Variants in DNAAF5 observed in about 807,000 individuals in gnomAD.
DNAAF5 encodes the protein HEAT repeat containing 2.
In DNAAF5, 64 loss-of-function variants were observed where a neutral mutation model predicts 75.8. The ratio of observed to expected loss-of-function variants is 0.84; its 90% CI spans 0.69 to 1.04. The LOEUF (loss-of-function observed/expected upper bound fraction) is 1.04. DNAAF5 is among the 50% of genes least tolerant of loss of function. The pLI, the probability that DNAAF5 is intolerant of heterozygous loss-of-function variation, is 0.00. For synonymous variants in DNAAF5, 657 were observed against 557.2 expected (o/e 1.18, Z -2.52); for missense variants, 1,269 against 1,178.5 (o/e 1.08, Z -1.12).
At chr7:776,703 C>T (rs976604271) in intron 11 of DNAAF5, among the ~76,000 whole-genome samples, 10 of 152,196 alleles carry the variant, frequency 6.6e-5, no homozygotes, top group African/African-American at 2.2e-4. Context: ...CGAAAAGCAG[C>T]AGCACTGAAC....
chr7:746,934 C>G (rs1782133621), intron 4 of DNAAF5, among the ~76,000 whole-genome samples: 1 of 152,248 alleles, frequency 6.6e-6, no homozygotes, highest in African/African-American at 2.4e-5. Context: ...GCTCTTTCCT[C>G]TCTGTGTCGG....
At chr7:737,308 C>T (rs1781769035) in intron 2 of DNAAF5, among the ~76,000 whole-genome samples, 2 of 152,138 alleles carry the variant, frequency 1.3e-5, no homozygotes, top group Non-Finnish European at 2.9e-5. Context: ...GTTGGCCAGG[C>T]TTGTCTTGAA....
intron 2 of DNAAF5, among the ~76,000 whole-genome samples, chr7:736,421 T>A (rs1268798307): frequency 6.6e-6 from 1 of 152,270 alleles, no homozygotes; most frequent in Non-Finnish European, 1.5e-5. Flanking sequence ...AAAGTTGTTA[T>A]ATCCTCTTGC....
chr7:759,446 T>A (rs1782579438), intron 6 of DNAAF5, among the ~76,000 whole-genome samples: 1 of 152,178 alleles, frequency 6.6e-6, no homozygotes, highest in Admixed American at 6.5e-5. Context: ...CCGATTTGCT[T>A]CTCACACAGG....
At chr7:746,100 G>C (rs962291890) in intron 4 of DNAAF5, among the ~76,000 whole-genome samples, 2 of 152,142 alleles carry the variant, frequency 1.3e-5, no homozygotes, top group Non-Finnish European at 2.9e-5. Context: ...TTTTAAATAC[G>C]ATTTCTCAGA....
At chr7:735,243 G>A (rs941181897) in intron 2 of DNAAF5, among the ~76,000 whole-genome samples, 7 of 146,740 alleles carry the variant, frequency 4.8e-5, no homozygotes, top group Non-Finnish European at 7.5e-5. Flanking sequence ...TGCTCATACC[G>A]TTGCTCGTGG....
intron 4 of DNAAF5, among the ~76,000 whole-genome samples, chr7:744,237 A>G (rs1249651756): frequency 6.6e-6 from 1 of 152,062 alleles, no homozygotes; most frequent in African/African-American, 2.4e-5. Context: ...ATGATTTTGA[A>G]TTTCATCCAT....
chr7:752,221 T>C (rs1375989019), intron 4 of DNAAF5, among the ~76,000 whole-genome samples: 1 of 152,264 alleles, frequency 6.6e-6, no homozygotes, highest in African/African-American at 2.4e-5. Flanking sequence ...GAAAGTGAAC[T>C]TGGAGTCAAA....
In DNAAF5 at chr7:754,772, G is replaced by GGA; in HGVS notation, c.1209_1210dup (p.Thr404ArgfsTer35). The GGA allele has an allele frequency of 6.2e-7, 1 of 1,612,996 alleles. No individual in the cohort carries two copies. The highest frequency in any genetic ancestry group is 8.5e-7 in the Non-Finnish European group (1 of 1,179,774). On this transcript the variant is annotated frameshift_variant, in exon 5 of 13. Transcript: ENST00000297440. LOFTEE classifies it high-confidence loss of function. The surrounding 1 kb of genome is among the most constrained non-coding windows in gnomAD (Gnocchi z 4.8). Reference sequence around the variant, plus strand: ...ACGCAGCACCTGGAGGTCGTCCTCCGGACCCTGTTCCAGGCCTGCACCGAC... The same window carrying GGA: ...ACGCAGCACCTGGAGGTCGTCCTCCGGAGACCCTGTTCCAGGCCTGCACCGAC...
At chr7:769,033 A>C in intron 8 of DNAAF5, 1 of 632,532 alleles carries the variant, frequency 1.6e-6, no homozygotes. Context: ...CCTCCAAGAC[A>C]CCAGCTGGTC....
Position 774,137 on chromosome 7 carries a change from G to T in DNAAF5, c.2021G>T (p.Arg674Leu), listed in dbSNP as rs1334255725. The stretch of plus-strand genomic sequence containing the variant: ...GCGGGGAGGACAGCCGCGGCCATCC[G>T]CACGGCTGCCGTGTCCTGCCTCTGG... Reference protein sequence around the residue: ...WHAGRTAAAIRTAAVSCLWAL... With the variant: ...WHAGRTAAAILTAAVSCLWAL... The change falls in exon 10 of 13, where the codon CGC (arginine) becomes CTC (leucine). Residue 674 changes from arginine to leucine, a missense_variant. By Grantham distance (102) the Arg-to-Leu change is moderately radical. Transcript: ENST00000297440. 7 of 1,612,150 alleles carry T rather than the reference G, an allele frequency of 4.3e-6. No individual in the cohort carries two copies. The South Asian group carries it at 6.6e-5, about 15-fold the overall frequency.
At position 785,810 on chromosome 7, in the gene DNAAF5, C is replaced by A; in HGVS notation, c.*157C>A. On this transcript the variant is annotated 3_prime_UTR_variant, in exon 13 of 13. Coordinates refer to ENST00000297440, the MANE Select transcript of DNAAF5 (RefSeq NM_017802.4). ...CCTGCCCACTCTTTCCCTGGAATAA[C>A]AGCCTCTGAGTGGATTCTGCATGTT... 2.6e-6 allele frequency: 2 copies of A among 768,696 alleles called. No homozygotes were observed. Among genetic ancestry groups the A allele is most frequent in the Non-Finnish European group, 4.0e-6 (2 of 494,516 alleles). The allele number at this position is 768,696 out of a possible 1,614,324, so 47.6% of individuals were successfully genotyped here.
chr7:781,035 C>T (rs1562403167), intron 12 of DNAAF5, among the ~76,000 whole-genome samples: 2 of 152,116 alleles, frequency 1.3e-5, no homozygotes, highest in South Asian at 2.1e-4. Context: ...CTTTGTGTTA[C>T]AAATAATTCA....
At chr7:733,495 T>C (rs563758801) in intron 2 of DNAAF5, among the ~76,000 whole-genome samples, 1 of 152,222 alleles carries the variant, frequency 6.6e-6, no homozygotes, top group African/African-American at 2.4e-5. Context: ...GTCAGTGGTT[T>C]ATAGTTTTCT....
chr7:765,975 C>T (rs1022522037), intron 8 of DNAAF5, among the ~76,000 whole-genome samples: 9 of 152,162 alleles, frequency 5.9e-5, no homozygotes, highest in African/African-American at 2.2e-4. Flanking sequence ...ACCACAGGCA[C>T]CCACTACCAC....
At chr7:730,815 C>T (rs879464656) in intron 2 of DNAAF5, among the ~76,000 whole-genome samples, 5 of 152,152 alleles carry the variant, frequency 3.3e-5, no homozygotes, top group Admixed American at 2.6e-4. Flanking sequence ...TGTTCACCCC[C>T]CTTGGTCTCA....
At position 770,858 on chromosome 7, in the gene DNAAF5, A is replaced by G. The variant is rs1778538948; in HGVS notation, c.1931+240A>G. ...GGGGGTCCCCACCTCCCTCCCCCAC[A>G]GCACTCTGGGTGAGGGTTCCCCACA... On this transcript the variant is annotated intron_variant, in intron 9 of 12. Transcript: ENST00000297440. 15 of 475,180 alleles carry G rather than the reference A, an allele frequency of 3.2e-5. 1 individual carries two copies. In the South Asian group the frequency reaches 4.4e-4, roughly 14 times the overall value. 29.4% of individuals were successfully genotyped at this position (475,180 alleles called of 1,614,324 possible). A position where few individuals can be genotyped will look rare whatever the true frequency, so the allele number is the denominator to read the frequency against.
chr7:781,332 C>T (rs1187405303), intron 12 of DNAAF5, among the ~76,000 whole-genome samples: 3 of 152,226 alleles, frequency 2.0e-5, no homozygotes, highest in Non-Finnish European at 2.9e-5. Flanking sequence ...CACTTCCCTC[C>T]ATGTTGATCC....
At chr7:758,160 TC>T (rs1187370479) in intron 6 of DNAAF5, among the ~76,000 whole-genome samples, 1 of 152,210 alleles carries the variant, frequency 6.6e-6, no homozygotes, top group Non-Finnish European at 1.5e-5. Context: ...GTGTGTCAGT[TC>T]TCCACTTTCC....
Sources: allele counts gnomAD v4.1 joint callset (sites outside exome capture counted in the v4.1 genomes callset), GRCh38; gene constraint gnomAD v4.1.1; non-coding constraint Gnocchi (gnomAD v3.1); transcripts MANE v1.5; gene names NCBI Gene and HGNC (gene_info 2026-07-23, HGNC 2026-07-21).